The following DIAPH3 variants were observed in gnomAD, a reference collection of about 807,000 sequenced individuals.
The protein encoded by DIAPH3 is diaphanous related formin 3.
In DIAPH3, 117 loss-of-function variants were observed where a neutral mutation model predicts 144.3. The observed-to-expected ratio is 0.81, with a 90% confidence interval of 0.70 to 0.95. DIAPH3 has a LOEUF of 0.95. DIAPH3 is among the 40% of genes least tolerant of loss of function. The pLI is 0.00. For synonymous variants in DIAPH3, 519 were observed against 488.9 expected (o/e 1.06, Z -0.81); for missense variants, 1,421 against 1,412.7 (o/e 1.01, Z -0.09).
intron 20 of DIAPH3, 41 bp downstream of exon 20, chr13:59,911,694 T>C: frequency 1.4e-6 from 2 of 1,441,384 alleles, no homozygotes; most frequent in African/African-American, 1.4e-5. Flanking sequence ...GTTCTCTTGT[T>C]TGGCACAGTA....
At chr13:59,675,260 G>T (rs1275088768) in intron 27 of DIAPH3, among the ~76,000 whole-genome samples, 1 of 152,016 alleles carries the variant, frequency 6.6e-6, no homozygotes, top group Non-Finnish European at 1.5e-5. Flanking sequence ...TCGAGACGGG[G>T]TCTTGCTATG....
At chr13:60,114,685 A>G (rs2058659122) in intron 2 of DIAPH3, among the ~76,000 whole-genome samples, 1 of 151,860 alleles carries the variant, frequency 6.6e-6, no homozygotes, top group South Asian at 2.1e-4. Flanking sequence ...ACACACACAC[A>G]CACCTACCTA....
rs71432801 is a variant in DIAPH3, at chr13:60,078,730, G to A, written c.495+14898C>T. ...TTATATTTTCAATTCATATATATTTGAAATAAAATCTATATTACATATAAA... is the reference window on the plus strand; with the variant it reads ...TTATATTTTCAATTCATATATATTTAAAATAAAATCTATATTACATATAAA... On this transcript the variant is annotated intron_variant, in intron 4 of 27. Coordinates refer to ENST00000400324, the MANE Select transcript of DIAPH3 (RefSeq NM_001042517.2). Among the ~76,000 whole-genome samples the A allele has an allele frequency of 1.8e-3, 266 of 151,578 alleles. 1 individual carries two copies. The highest frequency in any genetic ancestry group is 3.4e-3 in the Middle Eastern group (1 of 292).
intron 24 of DIAPH3, among the ~76,000 whole-genome samples, chr13:59,822,137 C>T (rs1326914568): frequency 6.6e-6 from 1 of 152,082 alleles, no homozygotes; most frequent in East Asian, 1.9e-4. Flanking sequence ...ATTCACATTT[C>T]TTTAATAGAT....
chr13:60,049,452 G>A (rs2056232453), intron 4 of DIAPH3, among the ~76,000 whole-genome samples: 1 of 152,098 alleles, frequency 6.6e-6, no homozygotes, highest in Admixed American at 6.6e-5. Flanking sequence ...ATTCCCACCT[G>A]AGAATCCTGC....
At chr13:59,817,173 T>G in intron 24 of DIAPH3, among the ~76,000 whole-genome samples, 1 of 151,890 alleles carries the variant, frequency 6.6e-6, no homozygotes, top group South Asian at 2.1e-4. Context: ...TGAAAAAATG[T>G]GTATTCTTTA....
At chr13:59,895,305 G>A (rs1478892817) in intron 20 of DIAPH3, among the ~76,000 whole-genome samples, 4 of 151,626 alleles carry the variant, frequency 2.6e-5, no homozygotes, top group Non-Finnish European at 2.9e-5. Flanking sequence ...TTCGGTATCC[G>A]CTCTTCTAAA....
At chr13:59,667,056 A>T (rs1417711758) in intron 27 of DIAPH3, among the ~76,000 whole-genome samples, 2 of 152,250 alleles carry the variant, frequency 1.3e-5, no homozygotes, top group African/African-American at 4.8e-5. Context: ...CAACCGTTTC[A>T]TTAGCACTAA....
chr13:60,161,266 T>G (rs1480818105), intron 1 of DIAPH3, among the ~76,000 whole-genome samples: 1 of 151,660 alleles, frequency 6.6e-6, no homozygotes, highest in East Asian at 1.9e-4. Flanking sequence ...AGCCAAGAAC[T>G]AACTTGACAT....
At chr13:60,007,297 T>G (rs1481004184) in intron 9 of DIAPH3, among the ~76,000 whole-genome samples, 1 of 152,136 alleles carries the variant, frequency 6.6e-6, no homozygotes, top group Non-Finnish European at 1.5e-5. Flanking sequence ...GTGATCTGCC[T>G]GCCTCAGCCT....
At chr13:59,749,275 C>T (rs1224506172) in intron 27 of DIAPH3, among the ~76,000 whole-genome samples, 1 of 144,104 alleles carries the variant, frequency 6.9e-6, no homozygotes, top group Non-Finnish European at 1.5e-5. Flanking sequence ...AATCCCAGCA[C>T]TTTGGGAGGC....
chr13:59,981,305 T>C (rs939140084), intron 13 of DIAPH3, among the ~76,000 whole-genome samples: 16 of 151,570 alleles, frequency 1.1e-4, no homozygotes, highest in Admixed American at 9.2e-4. Flanking sequence ...ATTAGCAATA[T>C]GAATGTGAAG....
At chr13:59,826,841 T>C (rs1263751807) in intron 24 of DIAPH3, among the ~76,000 whole-genome samples, 4 of 151,660 alleles carry the variant, frequency 2.6e-5, no homozygotes, top group Non-Finnish European at 1.5e-5. Flanking sequence ...GAGATATAGA[T>C]CAATGGAACA....
At chr13:59,890,941 C>A (rs2045753180) in intron 20 of DIAPH3, among the ~76,000 whole-genome samples, 1 of 151,948 alleles carries the variant, frequency 6.6e-6, no homozygotes, top group Non-Finnish European at 1.5e-5. Flanking sequence ...AACAGCAGTA[C>A]CTTCAAGAGC....
chr13:59,871,506 A>G (rs1232042830), intron 21 of DIAPH3, among the ~76,000 whole-genome samples: 1 of 152,120 alleles, frequency 6.6e-6, no homozygotes, highest in African/African-American at 2.4e-5. Context: ...TCATTAATGA[A>G]TGTTACATTT....
chr13:60,109,943 C>T (rs1415186760), intron 3 of DIAPH3, among the ~76,000 whole-genome samples: 6 of 152,164 alleles, frequency 3.9e-5, no homozygotes, highest in Non-Finnish European at 7.4e-5. Flanking sequence ...AAAAGACAAA[C>T]GGGGGGAAAA....
intron 16 of DIAPH3, among the ~76,000 whole-genome samples, chr13:59,970,562 C>T (rs1488551295): frequency 6.6e-6 from 1 of 151,976 alleles, no homozygotes; most frequent in Non-Finnish European, 1.5e-5. Context: ...GGATTCACTG[C>T]AATAATGTTT....
At chr13:59,835,550 C>T (rs1378227979) in intron 23 of DIAPH3, among the ~76,000 whole-genome samples, 1 of 151,520 alleles carries the variant, frequency 6.6e-6, no homozygotes, top group Non-Finnish European at 1.5e-5. Context: ...TTTGGGGACT[C>T]AGAGAGAATT....
At chr13:59,779,357 T>A (rs192876763) in intron 25 of DIAPH3, among the ~76,000 whole-genome samples, 13 of 152,192 alleles carry the variant, frequency 8.5e-5, no homozygotes, top group Non-Finnish European at 1.8e-4. Context: ...ATAATACAAA[T>A]GAAAGCACTT....
Sources: allele counts gnomAD v4.1 joint callset (sites outside exome capture counted in the v4.1 genomes callset), GRCh38; gene constraint gnomAD v4.1.1; transcripts MANE v1.5; gene names NCBI Gene and HGNC (gene_info 2026-07-23, HGNC 2026-07-21).